ATP13A3: variants seen among roughly 807,000 people sequenced by gnomAD.
ATP13A3 encodes ATPase 13A3.
Under a neutral mutation model 158.1 loss-of-function variants are expected in ATP13A3, and 59 were observed. The observed-to-expected ratio is 0.37, with a 90% CI of 0.30 to 0.46. The LOEUF is 0.46. Among genes scored for constraint, ATP13A3 ranks in the 20% least tolerant of loss-of-function variants. The probability of loss-of-function intolerance (pLI) is 1.00; values close to 1 mark genes in which losing one functional copy is unlikely to be tolerated. For synonymous variants in ATP13A3, 491 were observed against 504.3 expected, an observed-to-expected ratio of 0.97 and a Z score of 0.35; for missense variants, 1,166 against 1,525.2, an observed-to-expected ratio of 0.76 and a Z score of 3.92.
rs530286152 is a variant in ATP13A3 at position 194,432,235 on chromosome 3, G to A, written c.2246-343C>T. Among the ~76,000 whole-genome samples the A allele has an allele frequency of 4.5e-4, 69 of 152,272 alleles. 1 individual carries two copies. In the South Asian group the frequency reaches 0.014, roughly 31 times the overall value. ...TCAGGTGGCTCAATAAATACTTACCGAAATAACTTTACAAAGTGACTAGTG... is the reference window on the plus strand; with the variant it reads ...TCAGGTGGCTCAATAAATACTTACCAAAATAACTTTACAAAGTGACTAGTG... On this transcript the variant is annotated intron_variant, in intron 21 of 33. Coordinates refer to ENST00000645319, the MANE Select transcript of ATP13A3 (RefSeq NM_001367549.1).
intron 2 of ATP13A3, among the ~76,000 whole-genome samples, chr3:194,481,379 C>A (rs1418437729): frequency 6.6e-6 from 1 of 150,992 alleles, no homozygotes; most frequent in African/African-American, 2.5e-5. Flanking sequence ...AGTTGGCTCT[C>A]ACTGGAAAAA....
chr3:194,421,054 A>G (rs1356528682), intron 30 of ATP13A3, among the ~76,000 whole-genome samples: 3 of 129,316 alleles, frequency 2.3e-5, no homozygotes, highest in African/African-American at 6.3e-5. Context: ...GTAAATATTT[A>G]TCATTCTACA....
intron 21 of ATP13A3, chr3:194,432,155 TCCAG>T: frequency 2.7e-6 from 1 of 375,322 alleles, no homozygotes; most frequent in Non-Finnish European, 4.7e-6. Context: ...CTCAATCTTT[TCCAG>T]TCATGCACTA....
At position 194,444,926 on chromosome 3, in the gene ATP13A3, A is replaced by G. The variant is rs992094595; in HGVS notation, c.1498-140T>C. The G allele has an allele frequency of 1.2e-4, 71 of 589,916 alleles. No homozygotes were observed. In the African/African-American group the frequency reaches 1.3e-3, roughly 11 times the overall value. 36.5% of individuals were successfully genotyped at this position (589,916 alleles called of 1,614,324 possible). On this transcript the variant is annotated intron_variant, in intron 14 of 33. Coordinates refer to ENST00000645319, the MANE Select transcript of ATP13A3 (RefSeq NM_001367549.1). ...AATGGAGTTCTACAGAGTTAAAAAA[A>G]GAAACAGGCAAGATCCCTGACAGAG...
intron 20 of ATP13A3, among the ~76,000 whole-genome samples, chr3:194,434,498 A>C (rs1717474918): frequency 6.6e-6 from 1 of 152,250 alleles, no homozygotes; most frequent in African/African-American, 2.4e-5. Context: ...ACAAAAAGGG[A>C]TGATCTCTGC....
In ATP13A3 at chr3:194,405,316, G is replaced by A. The variant is rs1029774385; in HGVS notation, c.*603C>T. On this transcript the variant is annotated 3_prime_UTR_variant, in exon 34 of 34. Coordinates refer to ENST00000645319, the MANE Select transcript of ATP13A3 (RefSeq NM_001367549.1). ...CAGAAAATATAAAACCAGAAATGGA[G>A]ATTACCTGAGTTGTTCTATAAGCAA... The A allele has an allele frequency of 5.3e-5, 8 of 152,248 alleles. No homozygotes were observed. The highest frequency in any genetic ancestry group is 1.9e-4 in the African/African-American group (8 of 41,448). 9.4% of individuals were successfully genotyped at this position (152,248 alleles called of 1,614,324 possible). A position where few individuals can be genotyped will look rare whatever the true frequency, so the allele number is the denominator to read the frequency against.
At chr3:194,489,588 C>T (rs1202684722), upstream of ATP13A3, among the ~76,000 whole-genome samples, 1 of 152,134 alleles carries the variant, frequency 6.6e-6, no homozygotes, top group Non-Finnish European at 1.5e-5. This position sits in a 1 kb window ranked among gnomAD's most constrained non-coding sequence, Gnocchi z 4.1. Context: ...GCAGTGTATA[C>T]CTCCAAGCTA....
At chr3:194,452,308 T>C (rs1435262401) in intron 10 of ATP13A3, 1 of 152,194 alleles carries the variant, frequency 6.6e-6, no homozygotes, top group Non-Finnish European at 1.5e-5. Flanking sequence ...CTGGCCAACA[T>C]GGTAACACCC....
chr3:194,490,852 A>T (rs914735046), upstream of ATP13A3, among the ~76,000 whole-genome samples: 4 of 152,214 alleles, frequency 2.6e-5, no homozygotes, highest in African/African-American at 9.6e-5. The surrounding 1 kb of genome is among the most constrained non-coding windows in gnomAD (Gnocchi z 4.4). Flanking sequence ...TACATTAATA[A>T]CTGTAAACTG....
At chr3:194,431,369 T>C in intron 22 of ATP13A3, 143 bp from the exon 23 acceptor site, 1 of 1,078,352 alleles carries the variant, frequency 9.3e-7, no homozygotes, top group Non-Finnish European at 1.3e-6. Context: ...TTATTCAAAG[T>C]AAAAAGAAAC....
Position 194,448,076 on chromosome 3 carries a change from ATC to A in ATP13A3, c.1151-69_1151-68del, listed in dbSNP as rs991608600. ...AATGAGAATTATCTCCCAAAACAGAATCTCTCTTTTTTTTTTTTTGAGACAGA... is the reference window on the plus strand; with the variant it reads ...AATGAGAATTATCTCCCAAAACAGAATCTCTTTTTTTTTTTTTGAGACAGA... On this transcript the variant is annotated intron_variant, in intron 12 of 33. Transcript: ENST00000645319. The surrounding 1 kb of genome is among the most constrained non-coding windows in gnomAD (Gnocchi z 4.0). 1.2e-4 allele frequency: 177 copies of A among 1,432,738 alleles called. 1 individual carries two copies. Among genetic ancestry groups the A allele is most frequent in the Middle Eastern group, 7.2e-4 (4 of 5,532 alleles). 88.8% of individuals were successfully genotyped at this position (1,432,738 alleles called of 1,614,324 possible).
Position 194,406,020 on chromosome 3 carries a change from G to A in ATP13A3, c.3670C>T (p.Leu1224Phe). ...GGTGGCCATTCTGGATCAACCAAGAGCTCCTGCGCCAGATACATGTACTTT... is the reference window on the plus strand; with the variant it reads ...GGTGGCCATTCTGGATCAACCAAGAACTCCTGCGCCAGATACATGTACTTT... ...KAKYMYLAQE[L>F]LVDPEWPPKP... Residue 1224 changes from leucine to phenylalanine, a missense_variant, in exon 34 of 34, where the codon CTC (leucine) becomes TTC (phenylalanine). Around this residue, in one of 3 missense-constraint regions of ATP13A3, gnomAD observed 997 missense variants for 1,341.2 expected, o/e 0.74. Coordinates refer to ENST00000645319, the MANE Select transcript of ATP13A3 (RefSeq NM_001367549.1). The A allele has an allele frequency of 1.2e-6, 2 of 1,614,126 alleles. No individual in the cohort carries two copies. The highest frequency in any genetic ancestry group is 1.7e-6 in the Non-Finnish European group (2 of 1,180,030).
At chr3:194,479,121 C>T (rs1012933230) in intron 2 of ATP13A3, among the ~76,000 whole-genome samples, 1 of 152,166 alleles carries the variant, frequency 6.6e-6, no homozygotes, top group Non-Finnish European at 1.5e-5. Context: ...CTTTAAGATG[C>T]TTCTGAATCT....
intron 30 of ATP13A3, 102 bp downstream of exon 30, chr3:194,425,240 G>T: frequency 9.1e-7 from 1 of 1,098,402 alleles, no homozygotes; most frequent in South Asian, 1.5e-5. Context: ...TTCTATCTGT[G>T]AAGATCTGGT....
At chr3:194,409,199 T>C (rs1254075593) in intron 33 of ATP13A3, among the ~76,000 whole-genome samples, 1 of 152,222 alleles carries the variant, frequency 6.6e-6, no homozygotes, top group Non-Finnish European at 1.5e-5. Context: ...GGAAATGTTT[T>C]CATGGGCAGT....
intron 20 of ATP13A3, among the ~76,000 whole-genome samples, chr3:194,435,353 G>A (rs568863610): frequency 1.3e-4 from 20 of 152,242 alleles, no homozygotes; most frequent in Middle Eastern, 3.4e-3. Flanking sequence ...CTCTCACACC[G>A]TATGAACGAT....
At chr3:194,465,581 AGTT>A (rs1306548624) in intron 2 of ATP13A3, among the ~76,000 whole-genome samples, 3 of 152,194 alleles carry the variant, frequency 2.0e-5, no homozygotes, top group Non-Finnish European at 4.4e-5. Flanking sequence ...TTTTTGCTTT[AGTT>A]AGCGGGATAA....
intron 33 of ATP13A3, 142 bp from the exon 34 acceptor site, chr3:194,406,258 A>T (rs187727907): frequency 1.1e-6 from 1 of 926,926 alleles, no homozygotes; most frequent in South Asian, 1.8e-5. Context: ...GGAAAAAAAA[A>T]TCCATGTTAA....
Position 194,429,679 on chromosome 3 carries a change from G to A in ATP13A3, c.2873C>T (p.Ser958Phe), listed in dbSNP as rs751861716. ...IQYFSVTLLY[S>F]ILSNLGDFQF... Reference sequence around the variant, plus strand: ...TCTGCACACAATGTTAATACTCACAGAATACAGCAGAGTAACACTGAAGTA... The same window carrying A: ...TCTGCACACAATGTTAATACTCACAAAATACAGCAGAGTAACACTGAAGTA... Residue 958 changes from serine (S) to phenylalanine (F), a missense_variant and splice_region_variant, in exon 27 of 34, where the codon TCT becomes TTT. Physicochemically the swap from Ser to Phe is radical, Grantham distance 155. Transcript: ENST00000645319. The A allele has an allele frequency of 6.3e-7, 1 of 1,599,276 alleles. No homozygotes were observed. The highest frequency in any genetic ancestry group is 2.2e-5 in the East Asian group (1 of 44,762).
Sources: gnomAD v4.1 joint callset for allele counts (sites outside exome capture counted in the v4.1 genomes callset) on GRCh38, gnomAD v4.1.1 for gene constraint, gnomAD v4.1.1 regional missense constraint, Gnocchi (gnomAD v3.1) non-coding constraint, MANE v1.5 for transcripts, NCBI Gene and HGNC (gene_info 2026-07-23, HGNC 2026-07-21) for gene names.